The following PRKG1 variants were observed in gnomAD, a reference collection of about 807,000 sequenced individuals.
PRKG1 encodes cGMP-dependent protein kinase 1.
Under a neutral mutation model 88.1 loss-of-function variants are expected in PRKG1, and 35 were observed. That is an observed-to-expected ratio of 0.40 (90% CI 0.30 to 0.53). PRKG1 has a LOEUF of 0.53. Among genes scored for constraint, PRKG1 ranks in the 20% least tolerant of loss-of-function variants. The probability of loss-of-function intolerance (pLI) is 0.59; values close to 1 mark genes in which losing one functional copy is unlikely to be tolerated. For missense variants in PRKG1, 540 were observed against 839.8 expected (o/e 0.64, Z 4.41); for synonymous variants, 303 against 292.5 (o/e 1.04, Z -0.37).
intron 3 of PRKG1, among the ~76,000 whole-genome samples, chr10:51,618,343 T>A (rs923084260): frequency 6.6e-6 from 1 of 152,112 alleles, no homozygotes; most frequent in South Asian, 2.1e-4. Flanking sequence ...CCCTACCCAA[T>A]CAAGTGCTTC....
intron 4 of PRKG1, among the ~76,000 whole-genome samples, chr10:51,858,548 A>G (rs1840779338): frequency 7.0e-6 from 1 of 143,462 alleles, no homozygotes; most frequent in South Asian, 2.2e-4. Flanking sequence ...GCATGAACAT[A>G]TTGCAGATTC....
At chr10:51,433,237 T>A (rs1838820898) in intron 2 of PRKG1, among the ~76,000 whole-genome samples, 1 of 152,148 alleles carries the variant, frequency 6.6e-6, no homozygotes, top group Non-Finnish European at 1.5e-5. Context: ...AATGTGTTGC[T>A]TAATGGATAC....
intron 2 of PRKG1, among the ~76,000 whole-genome samples, chr10:51,329,918 T>A (rs1439338741): frequency 6.7e-5 from 10 of 148,884 alleles, no homozygotes; most frequent in Non-Finnish European, 1.3e-4. Flanking sequence ...TTGTACTATG[T>A]CTTAGGGAAA....
intron 2 of PRKG1, among the ~76,000 whole-genome samples, chr10:51,260,556 G>C (rs1414464709): frequency 6.6e-6 from 1 of 152,184 alleles, no homozygotes; most frequent in South Asian, 2.1e-4. Context: ...GGGAAATACA[G>C]TGACTTTGAG....
chr10:51,889,688 T>C (rs1363700338), intron 4 of PRKG1, among the ~76,000 whole-genome samples: 1 of 152,234 alleles, frequency 6.6e-6, no homozygotes, highest in African/African-American at 2.4e-5. Flanking sequence ...TGTAAAAGTA[T>C]TCCTATTTCT....
intron 9 of PRKG1, among the ~76,000 whole-genome samples, chr10:52,234,086 G>A (rs1840610476): frequency 6.6e-6 from 1 of 151,954 alleles, no homozygotes; most frequent in African/African-American, 2.4e-5. Flanking sequence ...TATTCCAACA[G>A]ACCTGCAGCT....
chr10:51,581,524 A>G (rs1373842015), intron 3 of PRKG1, among the ~76,000 whole-genome samples: 1 of 152,044 alleles, frequency 6.6e-6, no homozygotes, highest in Non-Finnish European at 1.5e-5. Flanking sequence ...GTCGCATTCC[A>G]TTCCCCGAGC....
intron 2 of PRKG1, among the ~76,000 whole-genome samples, chr10:51,372,061 T>C (rs138547723): frequency 8.5e-5 from 13 of 152,236 alleles, no homozygotes; most frequent in Non-Finnish European, 1.8e-4. Flanking sequence ...TTTGAAGTGC[T>C]AGAAACATAA....
intron 1 of PRKG1, among the ~76,000 whole-genome samples, chr10:51,136,264 G>C (rs941253083): frequency 2.6e-5 from 4 of 151,984 alleles, no homozygotes; most frequent in Non-Finnish European, 5.9e-5. Context: ...AAAAGTCCTG[G>C]AGGAGAAGCA....
At chr10:52,249,070 CCCCTTCCCTCTCCTTCCCTT>C (rs1841103859) in intron 9 of PRKG1, among the ~76,000 whole-genome samples, 1 of 119,872 alleles carries the variant, frequency 8.3e-6, no homozygotes, top group East Asian at 3.0e-4. Context: ...CCCCTTCCCT[CCCCTTCCCTCTCCTTCCCTT>C]CCCTTCCTTC....
intron 2 of PRKG1, among the ~76,000 whole-genome samples, chr10:51,226,643 A>G (rs1838700702): frequency 6.6e-6 from 1 of 152,202 alleles, no homozygotes; most frequent in Non-Finnish European, 1.5e-5. Context: ...ATTTGAGGAT[A>G]TTAGAAACTA....
intron 2 of PRKG1, among the ~76,000 whole-genome samples, chr10:51,276,256 T>A (rs901173563): frequency 2.6e-5 from 4 of 152,140 alleles, no homozygotes; most frequent in African/African-American, 9.7e-5. Flanking sequence ...AGAATGATGG[T>A]TTGCAGCTTC....
chr10:51,261,252 T>C (rs889775010), intron 2 of PRKG1, among the ~76,000 whole-genome samples: 4 of 152,222 alleles, frequency 2.6e-5, no homozygotes, highest in Admixed American at 2.0e-4. Context: ...TAAAAAACTT[T>C]TGTTACATTT....
intron 2 of PRKG1, among the ~76,000 whole-genome samples, chr10:51,172,796 C>T (rs771410436): frequency 1.2e-4 from 18 of 151,914 alleles, no homozygotes; most frequent in Non-Finnish European, 2.2e-4. Flanking sequence ...CATCTTCAGG[C>T]CTAGGTCTTT....
chr10:52,279,662 A>C lies in PRKG1; in HGVS notation c.1404-1127A>C, dbSNP rs538933345. Among the ~76,000 whole-genome samples, 9 of 152,246 alleles carry C rather than the reference A, an allele frequency of 5.9e-5. No individual in the cohort carries two copies. The South Asian group carries it at 1.9e-3, about 32-fold the overall frequency. On this transcript the variant is annotated intron_variant, in intron 12 of 17. Coordinates refer to ENST00000373980, the MANE Select transcript of PRKG1 (RefSeq NM_006258.4). ...CTTTACTCCACAATTTTGAAAAAAAAATAAGTGTCACCAAAATGCAAACAG... is the reference window on the plus strand; with the variant it reads ...CTTTACTCCACAATTTTGAAAAAAACATAAGTGTCACCAAAATGCAAACAG...
intron 2 of PRKG1, among the ~76,000 whole-genome samples, chr10:51,421,179 T>G (rs1838406971): frequency 6.6e-6 from 1 of 152,074 alleles, no homozygotes; most frequent in Non-Finnish European, 1.5e-5. Context: ...TTTGTTTGTT[T>G]GTTTGTTTTA....
At chr10:51,340,901 A>G (rs951750180) in intron 2 of PRKG1, among the ~76,000 whole-genome samples, 2 of 152,188 alleles carry the variant, frequency 1.3e-5, no homozygotes, top group African/African-American at 4.8e-5. Context: ...ATTAAAAACC[A>G]AAGTTCTCAG....
chr10:51,573,854 A>C (rs1033070548), intron 3 of PRKG1, among the ~76,000 whole-genome samples: 3 of 151,924 alleles, frequency 2.0e-5, no homozygotes, highest in Non-Finnish European at 4.4e-5. Flanking sequence ...GTATATAAGC[A>C]CCTTGACAGT....
Position 51,919,733 on chromosome 10 carries a change from T to G in PRKG1, c.762+12163T>G, listed in dbSNP as rs374486609. Among the ~76,000 whole-genome samples, 7 of 152,118 alleles carry G rather than the reference T, an allele frequency of 4.6e-5. No homozygotes were observed. In the East Asian group the frequency reaches 1.4e-3, roughly 29 times the overall value. The stretch of plus-strand genomic sequence containing the variant: ...TTCTACTCTATCCTGTTTGTTGTTT[T>G]CTTAATCCTTTTGTACAGTTTGTAC... On this transcript the variant is annotated intron_variant, in intron 5 of 17. Coordinates refer to ENST00000373980, the MANE Select transcript of PRKG1 (RefSeq NM_006258.4).
Sources: allele counts gnomAD v4.1 joint callset (sites outside exome capture counted in the v4.1 genomes callset), GRCh38; gene constraint gnomAD v4.1.1; transcripts MANE v1.5; gene names NCBI Gene and HGNC (gene_info 2026-07-23, HGNC 2026-07-21).